Variants in CDIN1 observed in about 807,000 individuals in gnomAD.
CDIN1 encodes CDAN1 interacting nuclease 1.
CDIN1 carries 33 observed loss-of-function variants against 45.3 expected under a neutral mutation model. The ratio of observed to expected loss-of-function variants is 0.73; its 90% CI spans 0.55 to 0.97. The LOEUF is 0.97. Among genes scored for constraint, CDIN1 ranks in the 50% least tolerant of loss-of-function variants. The probability of loss-of-function intolerance (pLI) is 0.00; values close to 1 mark genes in which losing one functional copy is unlikely to be tolerated. For synonymous variants in CDIN1, 118 were observed against 124.4 expected, an observed-to-expected ratio of 0.95 and a Z score of 0.34; for missense variants, 303 against 339.4, an observed-to-expected ratio of 0.89 and a Z score of 0.84.
At chr15:36,590,896 A>G (rs2037539812) in intron 1 of CDIN1, among the ~76,000 whole-genome samples, 2 of 152,236 alleles carry the variant, frequency 1.3e-5, no homozygotes, top group South Asian at 4.1e-4. Context: ...CTTACCAGCA[A>G]ACTGACTTGT....
At chr15:36,613,413 C>A in intron 1 of CDIN1, 1 of 1,280,936 alleles carries the variant, frequency 7.8e-7, no homozygotes, top group Non-Finnish European at 1.1e-6. Context: ...GGAGAGGAGG[C>A]TGCAACGCTG....
At chr15:36,710,725 C>G (rs2043027704) in intron 10 of CDIN1, among the ~76,000 whole-genome samples, 1 of 152,076 alleles carries the variant, frequency 6.6e-6, no homozygotes, top group African/African-American at 2.4e-5. Context: ...CCCCTTAGAA[C>G]AGGAATGCCA....
At chr15:36,691,992 C>T (rs1472198913) in intron 6 of CDIN1, 134 bp from the exon 7 acceptor site, 21 of 800,580 alleles carry the variant, frequency 2.6e-5, no homozygotes, top group Admixed American at 4.1e-5. Flanking sequence ...AAATCCGAAC[C>T]GCCTTTTGAT....
chr15:36,703,060 AAAT>A (rs1447898336), intron 8 of CDIN1, among the ~76,000 whole-genome samples: 2 of 150,210 alleles, frequency 1.3e-5, no homozygotes, highest in African/African-American at 4.9e-5. Flanking sequence ...ACTCTACAAA[AAAT>A]AAAAAACAGC....
Position 36,657,884 on chromosome 15 carries a change from C to T in CDIN1, c.325C>T (p.Gln109Ter), listed in dbSNP as rs756863819. 1.2e-6 allele frequency: 2 copies of T among 1,611,898 alleles called. No homozygotes were observed. The highest frequency in any genetic ancestry group is 1.7e-6 in the Non-Finnish European group (2 of 1,178,950). ...MARLILERFLQEHEETPPSKS... is the reference protein window; with the variant it reads ...MARLILERFL Reference sequence around the variant, plus strand: ...TCGGCTTATACTGGAGAGGTTTCTACAGGAACACGAGGAAACTCCACGTGA... The same window carrying T: ...TCGGCTTATACTGGAGAGGTTTCTATAGGAACACGAGGAAACTCCACGTGA... The change falls in exon 5 of 11, where the codon CAG becomes TAG. Residue 109 changes from glutamine to a stop codon, truncating the protein, a stop_gained. Coordinates refer to ENST00000566621, the MANE Select transcript of CDIN1 (RefSeq NM_001321759.2). LOFTEE classifies it high-confidence loss of function.
chr15:36,765,529 A>C (rs1431073493), intron 10 of CDIN1, among the ~76,000 whole-genome samples: 3 of 152,258 alleles, frequency 2.0e-5, no homozygotes, highest in African/African-American at 4.8e-5. Context: ...GTAGTCAAAC[A>C]CAGGCCTTCT....
chr15:36,788,093 TATA>T (rs2054541770), intron 10 of CDIN1, among the ~76,000 whole-genome samples: 1 of 40,826 alleles, frequency 2.4e-5, no homozygotes, highest in African/African-American at 1.1e-4. Flanking sequence ...TATATATATA[TATA>T]TATATATATA....
At chr15:36,804,674 C>CTTTTTTTTTTTTTTTTTTTTT (rs3045810) in intron 10 of CDIN1, 1 of 84,884 alleles carries the variant, frequency 1.2e-5, no homozygotes, top group Non-Finnish European at 2.0e-5. Flanking sequence ...CAGAGAATCA[C>CTTTTTTTTTTTTTTTTTTTTT]TTTTTTTTTT....
At chr15:36,759,704 C>T (rs1426045734) in intron 10 of CDIN1, among the ~76,000 whole-genome samples, 4 of 152,106 alleles carry the variant, frequency 2.6e-5, no homozygotes, top group Admixed American at 2.6e-4. Context: ...TTAATTGACT[C>T]ACAGTTCCAC....
intron 1 of CDIN1, among the ~76,000 whole-genome samples, chr15:36,612,049 G>C (rs1044268255): frequency 1.3e-5 from 2 of 152,158 alleles, no homozygotes; most frequent in Non-Finnish European, 2.9e-5. Flanking sequence ...GTTTTCCCCA[G>C]GTGTCTGTTT....
At chr15:36,675,879 C>G (rs939877499) in intron 5 of CDIN1, among the ~76,000 whole-genome samples, 3 of 152,152 alleles carry the variant, frequency 2.0e-5, no homozygotes, top group East Asian at 3.9e-4. Flanking sequence ...TGGTATTTGT[C>G]TCTCCTTAAA....
At chr15:36,643,354 A>AT (rs1465180708) in intron 1 of CDIN1, among the ~76,000 whole-genome samples, 9 of 152,184 alleles carry the variant, frequency 5.9e-5, no homozygotes, top group African/African-American at 1.7e-4. Context: ...AGCTTAAGAG[A>AT]TTTTTTCATT....
intron 5 of CDIN1, among the ~76,000 whole-genome samples, chr15:36,667,588 G>T (rs1320529228): frequency 6.6e-6 from 1 of 152,058 alleles, no homozygotes; most frequent in East Asian, 1.9e-4. Context: ...AATAATGATT[G>T]GGTACTCCTA....
intron 1 of CDIN1, among the ~76,000 whole-genome samples, chr15:36,599,745 A>G (rs2038009541): frequency 6.6e-6 from 1 of 152,226 alleles, no homozygotes; most frequent in Admixed American, 6.5e-5. Flanking sequence ...GGTGCAGGTC[A>G]GCTCCACGAT....
rs572081025 is a variant in CDIN1, at chr15:36,750,730, C to T, written c.716+40769C>T. Among the ~76,000 whole-genome samples, 13 of 152,224 alleles carry T rather than the reference C, an allele frequency of 8.5e-5. No individual in the cohort carries two copies. The East Asian group carries it at 2.3e-3, about 27-fold the overall frequency. Reference sequence around the variant, plus strand: ...TTTGGCCAATTGAAAAATATCTTCCCATTTTAACTCACTGAATTGCCAGTT... The same window carrying T: ...TTTGGCCAATTGAAAAATATCTTCCTATTTTAACTCACTGAATTGCCAGTT... On this transcript the variant is annotated intron_variant, in intron 10 of 10. Coordinates refer to ENST00000566621, the MANE Select transcript of CDIN1 (RefSeq NM_001321759.2).
rs1000278081 is a variant in CDIN1, at chr15:36,588,315, T to C, written c.101+8354T>C. Reference sequence around the variant, plus strand: ...AATGCATAATTAATACCGTAGGGCTTGGTATACTTAATTGAAATACTATTC... The same window carrying C: ...AATGCATAATTAATACCGTAGGGCTCGGTATACTTAATTGAAATACTATTC... On this transcript the variant is annotated intron_variant, in intron 1 of 10. Coordinates refer to ENST00000566621, the MANE Select transcript of CDIN1 (RefSeq NM_001321759.2). Among the ~76,000 whole-genome samples, 4 of 152,338 alleles carry C rather than the reference T, an allele frequency of 2.6e-5. No homozygotes were observed. The East Asian group carries it at 7.7e-4, about 29-fold the overall frequency.
chr15:36,696,946 T>TAAAAAA (rs1163749494), intron 7 of CDIN1, among the ~76,000 whole-genome samples: 1 of 92,254 alleles, frequency 1.1e-5, no homozygotes. Context: ...ATTCCATTTC[T>TAAAAAA]AAAAAAAAAA....
At chr15:36,704,190 C>CTT (rs35632569) in intron 8 of CDIN1, 2 of 151,922 alleles carry the variant, frequency 1.3e-5, no homozygotes, top group Non-Finnish European at 2.9e-5. Context: ...TTCACCTCCC[C>CTT]TTTTTTTTCT....
At chr15:36,593,438 TG>T (rs1409900227) in intron 1 of CDIN1, among the ~76,000 whole-genome samples, 2 of 152,314 alleles carry the variant, frequency 1.3e-5, no homozygotes, top group East Asian at 3.9e-4. Context: ...TAAGTTCAGG[TG>T]TAAGTCTTCC....
Sources: gnomAD v4.1 joint callset for allele counts (sites outside exome capture counted in the v4.1 genomes callset) on GRCh38, gnomAD v4.1.1 for gene constraint, MANE v1.5 for transcripts, NCBI Gene and HGNC (gene_info 2026-07-23, HGNC 2026-07-21) for gene names.